The following CCSER1 variants were observed in gnomAD, a reference collection of about 807,000 sequenced individuals.
CCSER1 encodes coiled-coil serine rich protein 1.
Under a neutral mutation model 82.0 loss-of-function variants are expected in CCSER1, and 41 were observed. The ratio of observed to expected loss-of-function variants is 0.50; its 90% CI spans 0.39 to 0.65. CCSER1 has a LOEUF of 0.65. Ranked by LOEUF, CCSER1 falls within the 30% of genes least tolerant of loss-of-function variation. The pLI is 0.00. For synonymous variants in CCSER1, 414 were observed against 383.9 expected, an observed-to-expected ratio of 1.08 and a Z score of -0.92; for missense variants, 1,119 against 1,064.2, an observed-to-expected ratio of 1.05 and a Z score of -0.72.
chr4:91,286,786 T>C (rs545845516), intron 10 of CCSER1, among the ~76,000 whole-genome samples: 15 of 151,892 alleles, frequency 9.9e-5, no homozygotes, highest in African/African-American at 3.4e-4. Context: ...TAGAAAAAAA[T>C]AGTAAACATC....
intron 8 of CCSER1, among the ~76,000 whole-genome samples, chr4:90,858,298 C>T (rs1764689859): frequency 6.6e-6 from 1 of 151,948 alleles, no homozygotes; most frequent in Non-Finnish European, 1.5e-5. Context: ...GAAATATTCA[C>T]CTCAGTAAAA....
intron 6 of CCSER1, among the ~76,000 whole-genome samples, chr4:90,717,936 G>A (rs1741949841): frequency 6.6e-6 from 1 of 151,878 alleles, no homozygotes; most frequent in African/African-American, 2.4e-5. Context: ...TAAAGTCTAA[G>A]AGCAGGGAAG....
chr4:91,302,585 T>C (rs759093210), intron 10 of CCSER1, among the ~76,000 whole-genome samples: 3 of 152,012 alleles, frequency 2.0e-5, no homozygotes, highest in Admixed American at 6.6e-5. Flanking sequence ...CTCTCTCTAT[T>C]TGAAATTCTC....
At chr4:91,020,615 T>C (rs1286936413) in intron 9 of CCSER1, among the ~76,000 whole-genome samples, 1 of 151,506 alleles carries the variant, frequency 6.6e-6, no homozygotes, top group African/African-American at 2.4e-5. Flanking sequence ...TGAGCCGAGA[T>C]CGCGCCACTG....
At chr4:90,361,308 C>A (rs1021141409) in intron 3 of CCSER1, among the ~76,000 whole-genome samples, 1 of 152,172 alleles carries the variant, frequency 6.6e-6, no homozygotes, top group Non-Finnish European at 1.5e-5. Flanking sequence ...AATCCTACTG[C>A]TCTCCATGTT....
chr4:91,063,282 GATA>G (rs533723710), intron 9 of CCSER1, among the ~76,000 whole-genome samples: 46 of 152,112 alleles, frequency 3.0e-4, no homozygotes, highest in Admixed American at 1.3e-3. Context: ...ATAAATATGG[GATA>G]ATAATAATAT....
At chr4:90,373,164 G>A (rs1479960044) in intron 3 of CCSER1, among the ~76,000 whole-genome samples, 2 of 152,068 alleles carry the variant, frequency 1.3e-5, no homozygotes, top group African/African-American at 4.8e-5. Context: ...TATAGGGAGT[G>A]TATGTGTGTG....
intron 6 of CCSER1, among the ~76,000 whole-genome samples, chr4:90,672,186 A>T (rs1204126267): frequency 6.6e-6 from 1 of 152,048 alleles, no homozygotes; most frequent in Non-Finnish European, 1.5e-5. Flanking sequence ...AGCCTCCAAG[A>T]GAGTCAGCCT....
rs193095529 is a variant in CCSER1, at chr4:91,352,310, G to C, written c.2218-246262G>C. ...CTGTCACCCAGGAGTGCAGTGGCGC[G>C]ATCTCCGCTCGCTACAACCTCCACC... On this transcript the variant is annotated intron_variant, in intron 10 of 10. Coordinates refer to ENST00000509176, the MANE Select transcript of CCSER1 (RefSeq NM_001145065.2). Among the ~76,000 whole-genome samples the C allele has an allele frequency of 6.3e-3, 961 of 152,190 alleles. 8 individuals are homozygous for C. Among genetic ancestry groups the C allele is most frequent in the African/African-American group, 0.022 (900 of 41,544 alleles).
chr4:90,620,283 T>C (rs1291579732), intron 5 of CCSER1, among the ~76,000 whole-genome samples: 2 of 152,040 alleles, frequency 1.3e-5, no homozygotes, highest in Non-Finnish European at 2.9e-5. Flanking sequence ...GATGATACAA[T>C]ATGGTAAAAG....
chr4:91,455,787 A>G (rs970075397), intron 10 of CCSER1, among the ~76,000 whole-genome samples: 2 of 152,056 alleles, frequency 1.3e-5, no homozygotes, highest in African/African-American at 4.8e-5. Flanking sequence ...ATATTAGGAT[A>G]TTAGACAGGA....
At chr4:90,865,196 A>G (rs1329840497) in intron 8 of CCSER1, among the ~76,000 whole-genome samples, 2 of 152,174 alleles carry the variant, frequency 1.3e-5, no homozygotes, top group East Asian at 3.9e-4. Context: ...GCCTAAAGAT[A>G]TAAACATATA....
At chr4:91,223,857 G>A (rs1384514441) in intron 10 of CCSER1, among the ~76,000 whole-genome samples, 2 of 152,106 alleles carry the variant, frequency 1.3e-5, no homozygotes, top group East Asian at 3.8e-4. Flanking sequence ...AACCACAGAT[G>A]TATTGGCTAA....
At chr4:91,142,132 A>G (rs934540677) in intron 10 of CCSER1, among the ~76,000 whole-genome samples, 1 of 152,070 alleles carries the variant, frequency 6.6e-6, no homozygotes, top group Non-Finnish European at 1.5e-5. Flanking sequence ...CCCACGTGTC[A>G]AGGGTGGGGG....
intron 10 of CCSER1, among the ~76,000 whole-genome samples, chr4:91,177,080 G>C (rs1420970178): frequency 6.6e-6 from 1 of 152,130 alleles, no homozygotes; most frequent in Non-Finnish European, 1.5e-5. Context: ...AGATAATCAT[G>C]TGGTTTTTGT....
intron 10 of CCSER1, among the ~76,000 whole-genome samples, chr4:91,516,267 T>C (rs1414102056): frequency 6.6e-6 from 1 of 152,174 alleles, no homozygotes; most frequent in African/African-American, 2.4e-5. Flanking sequence ...GGCATCTTTG[T>C]CATGAAATCA....
chr4:91,374,512 G>T (rs1355115284), intron 10 of CCSER1, among the ~76,000 whole-genome samples: 1 of 152,170 alleles, frequency 6.6e-6, no homozygotes, highest in African/African-American at 2.4e-5. Context: ...TAAGCCCATT[G>T]TTGAGACCTA....
chr4:91,152,518 A>T lies in CCSER1; in HGVS notation c.2217+66524A>T, dbSNP rs576776345. ...TAATTGGAGCATTCAGCCCATTTAC[A>T]TTTAAGGTTAATATTGTTATGTGTG... On this transcript the variant is annotated intron_variant, in intron 10 of 10. Coordinates refer to ENST00000509176, the MANE Select transcript of CCSER1 (RefSeq NM_001145065.2). 1.2e-4 allele frequency among the ~76,000 whole-genome samples: 19 copies of T among 152,250 alleles called. 1 individual carries two copies. In the South Asian group the frequency reaches 3.9e-3, roughly 32 times the overall value.
chr4:90,274,661 T>A (rs1727211131), intron 1 of CCSER1, among the ~76,000 whole-genome samples: 2 of 152,158 alleles, frequency 1.3e-5, no homozygotes, highest in African/African-American at 4.8e-5. Context: ...TACCTTACTT[T>A]ATTACAATTA....
Sources: gnomAD v4.1 joint callset for allele counts (sites outside exome capture counted in the v4.1 genomes callset) on GRCh38, gnomAD v4.1.1 for gene constraint, MANE v1.5 for transcripts, NCBI Gene and HGNC (gene_info 2026-07-23, HGNC 2026-07-21) for gene names.